Variants in RFX3 observed in about 807,000 individuals in gnomAD.
The protein encoded by RFX3 is transcription factor RFX3.
RFX3 carries 14 observed loss-of-function variants against 98.6 expected under a neutral mutation model. The observed-to-expected ratio is 0.14, with a 90% CI of 0.09 to 0.22. RFX3 has a LOEUF of 0.22. Ranked by LOEUF, RFX3 falls within the 10% of genes least tolerant of loss-of-function variation. The pLI, the probability that RFX3 is intolerant of heterozygous loss-of-function variation, is 1.00. For synonymous variants in RFX3, 383 were observed against 328.4 expected (o/e 1.17, Z -1.80); for missense variants, 639 against 926.9 (o/e 0.69, Z 4.03).
intron 1 of RFX3, among the ~76,000 whole-genome samples, chr9:3,408,971 T>C (rs1043890631): frequency 1.3e-5 from 2 of 152,242 alleles, no homozygotes; most frequent in African/African-American, 4.8e-5. Flanking sequence ...CTTTTAACCA[T>C]TTATATTGTT....
rs776879771 is a variant in RFX3, at chr9:3,301,632, T to C, written c.475-12A>G. On this transcript the variant is annotated splice_polypyrimidine_tract_variant and intron_variant, in intron 4 of 16. Transcript: ENST00000617270. ...ATCGCCATTTCAATCTGATAATAGATGTCATTAAAAAAAGGGCTCAAGACA... is the reference window on the plus strand; with the variant it reads ...ATCGCCATTTCAATCTGATAATAGACGTCATTAAAAAAAGGGCTCAAGACA... The C allele has an allele frequency of 6.3e-6, 10 of 1,582,744 alleles. No homozygotes were observed. Among genetic ancestry groups the C allele is most frequent in the Non-Finnish European group, 8.6e-6 (10 of 1,156,158 alleles).
chr9:3,428,916 A>C (rs1844365918), intron 1 of RFX3, among the ~76,000 whole-genome samples: 1 of 152,158 alleles, frequency 6.6e-6, no homozygotes, highest in Non-Finnish European at 1.5e-5. Flanking sequence ...ACAGGGCTAA[A>C]TTACCCATTA....
intron 2 of RFX3, among the ~76,000 whole-genome samples, chr9:3,358,464 G>C (rs1200287808): frequency 6.6e-6 from 1 of 152,070 alleles, no homozygotes; most frequent in Non-Finnish European, 1.5e-5. Context: ...AATCTGGATA[G>C]ATGCTGGCTA....
At chr9:3,288,365 T>C (rs1826913532) in intron 6 of RFX3, 115 bp from the exon 7 acceptor site, 2 of 788,938 alleles carry the variant, frequency 2.5e-6, no homozygotes, top group South Asian at 3.3e-5. Flanking sequence ...AGTAAGTTAA[T>C]GTTACATATT....
At chr9:3,366,698 C>CTT (rs957110907) in intron 2 of RFX3, among the ~76,000 whole-genome samples, 1 of 61,746 alleles carries the variant, frequency 1.6e-5, no homozygotes, top group African/African-American at 6.5e-5. Flanking sequence ...TCTTTCCTTT[C>CTT]TTTCTTTCTT....
rs147757017 is a variant in RFX3, at chr9:3,301,218, T to C, written c.549+328A>G. ...ATGCAGATTACAAGTATTTGCTTCA[T>C]AGTAAATAAATATCAAACTGGAACA... is the stretch of plus-strand genomic sequence containing the variant. On this transcript the variant is annotated intron_variant, in intron 5 of 16. Coordinates refer to ENST00000617270, the MANE Select transcript of RFX3 (RefSeq NM_001282116.2). Among the ~76,000 whole-genome samples, 643 of 152,050 alleles carry C rather than the reference T, an allele frequency of 4.2e-3. 3 individuals are homozygous for C. Among genetic ancestry groups the C allele is most frequent in the Non-Finnish European group, 6.8e-3 (463 of 67,896 alleles).
chr9:3,247,806 C>T, intron 15 of RFX3: 2 of 1,606,314 alleles, frequency 1.2e-6, no homozygotes, highest in Non-Finnish European at 1.7e-6. Context: ...GAGACACATT[C>T]CATGAACTTT....
chr9:3,367,679 TC>T (rs1227057454), intron 2 of RFX3, among the ~76,000 whole-genome samples: 2 of 152,172 alleles, frequency 1.3e-5, no homozygotes, highest in Non-Finnish European at 2.9e-5. Flanking sequence ...CGGAACCACT[TC>T]CCCTTTCTTT....
chr9:3,512,336 G>A (rs906479282), intron 1 of RFX3, among the ~76,000 whole-genome samples: 1 of 151,810 alleles, frequency 6.6e-6, no homozygotes, highest in Non-Finnish European at 1.5e-5. Flanking sequence ...CATATAATGG[G>A]CATATGGGAG....
chr9:3,493,297 C>CT (rs1850854336), intron 1 of RFX3, among the ~76,000 whole-genome samples: 1 of 152,130 alleles, frequency 6.6e-6, no homozygotes, highest in Non-Finnish European at 1.5e-5. Flanking sequence ...GTTCCCCTGA[C>CT]TTCTGATCCA....
chr9:3,413,812 G>C (rs919431977), intron 1 of RFX3, among the ~76,000 whole-genome samples: 2 of 151,898 alleles, frequency 1.3e-5, no homozygotes, highest in Non-Finnish European at 2.9e-5. Flanking sequence ...ATGCTTTTTT[G>C]AATAATATCC....
intron 15 of RFX3, 162 bp downstream of exon 15, chr9:3,247,870 A>G: frequency 1.2e-6 from 2 of 1,608,780 alleles, no homozygotes; most frequent in Non-Finnish European, 1.7e-6. Context: ...ATAAGAACAG[A>G]GGAATTTAAG....
chr9:3,254,218 T>A (rs1821800753), intron 14 of RFX3, among the ~76,000 whole-genome samples: 1 of 151,734 alleles, frequency 6.6e-6, no homozygotes, highest in Admixed American at 6.6e-5. Context: ...AACAGATCTC[T>A]GTGGAGATGA....
chr9:3,225,798 C>G (rs1474963012), intron 16 of RFX3, among the ~76,000 whole-genome samples: 1 of 152,236 alleles, frequency 6.6e-6, no homozygotes, highest in South Asian at 2.1e-4. Context: ...TGCTGTAAGA[C>G]TTTCTGGCAC....
chr9:3,365,117 T>C (rs1257241643), intron 2 of RFX3, among the ~76,000 whole-genome samples: 1 of 151,936 alleles, frequency 6.6e-6, no homozygotes, highest in African/African-American at 2.4e-5. Context: ...CTGGCCAACA[T>C]GGTGAAACCC....
intron 4 of RFX3, among the ~76,000 whole-genome samples, chr9:3,304,834 G>A (rs753257025): frequency 7.9e-5 from 12 of 151,902 alleles, no homozygotes; most frequent in Non-Finnish European, 1.0e-4. Flanking sequence ...GCATGAGAAC[G>A]GACTAATATG....
At chr9:3,337,493 C>A (rs1274214633) in intron 3 of RFX3, among the ~76,000 whole-genome samples, 1 of 152,176 alleles carries the variant, frequency 6.6e-6, no homozygotes, top group Non-Finnish European at 1.5e-5. Context: ...ACCAGGTGGA[C>A]TTGCTCTAAA....
chr9:3,427,245 A>AAT (rs913950265), intron 1 of RFX3, among the ~76,000 whole-genome samples: 2 of 144,266 alleles, frequency 1.4e-5, no homozygotes, highest in East Asian at 2.0e-4. Flanking sequence ...ATATAAATAA[A>AAT]ATATATATAT....
chr9:3,231,367 T>G (rs865840380), intron 15 of RFX3, among the ~76,000 whole-genome samples: 11 of 152,292 alleles, frequency 7.2e-5, no homozygotes, highest in Middle Eastern at 3.4e-3. Flanking sequence ...TTTAACCCTA[T>G]AGATAGGCTG....
Sources: allele counts gnomAD v4.1 joint callset (sites outside exome capture counted in the v4.1 genomes callset), GRCh38; gene constraint gnomAD v4.1.1; transcripts MANE v1.5; gene names NCBI Gene and HGNC (gene_info 2026-07-23, HGNC 2026-07-21).